The following RSRC1 variants were observed in gnomAD, a reference collection of about 807,000 sequenced individuals.
RSRC1 encodes the protein serine/Arginine-related protein 53.
A neutral mutation model predicts 49.1 loss-of-function variants in RSRC1; 39 were observed. The observed-to-expected ratio is 0.79, with a 90% CI of 0.61 to 1.04. The LOEUF (loss-of-function observed/expected upper bound fraction) is 1.04. Among genes scored for constraint, RSRC1 ranks in the 50% least tolerant of loss-of-function variants. The probability of loss-of-function intolerance (pLI) is 0.00; values close to 1 mark genes in which losing one functional copy is unlikely to be tolerated. For synonymous variants in RSRC1, 143 were observed against 130.8 expected (o/e 1.09, Z -0.63); for missense variants, 388 against 402.4 (o/e 0.96, Z 0.31).
intron 3 of RSRC1, among the ~76,000 whole-genome samples, chr3:158,167,882 T>A (rs1254750965): frequency 6.6e-6 from 1 of 152,170 alleles, no homozygotes; most frequent in Non-Finnish European, 1.5e-5. Flanking sequence ...TTTTTGGATC[T>A]GTGGTACAAC....
chr3:158,340,045 A>G (rs1730140364), intron 5 of RSRC1, among the ~76,000 whole-genome samples: 1 of 152,190 alleles, frequency 6.6e-6, no homozygotes, highest in African/African-American at 2.4e-5. Context: ...ATGTAGAGTG[A>G]TATGCTTTGG....
intron 6 of RSRC1, among the ~76,000 whole-genome samples, chr3:158,432,388 G>A (rs1228975871): frequency 6.6e-6 from 1 of 151,804 alleles, no homozygotes; most frequent in Non-Finnish European, 1.5e-5. Flanking sequence ...GCAGTAACCA[G>A]GACATAAGAG....
At chr3:158,194,104 G>C (rs955688903) in intron 3 of RSRC1, among the ~76,000 whole-genome samples, 40 of 129,020 alleles carry the variant, frequency 3.1e-4, no homozygotes, top group African/African-American at 1.2e-3. Flanking sequence ...CACACACACA[G>C]AAAAGAAATT....
chr3:158,272,584 A>G (rs1725580151), intron 4 of RSRC1, among the ~76,000 whole-genome samples: 1 of 152,046 alleles, frequency 6.6e-6, no homozygotes, highest in South Asian at 2.1e-4. Context: ...TTTTAATACT[A>G]GTATTGTTTT....
At chr3:158,239,587 TG>T (rs1723450304) in intron 4 of RSRC1, among the ~76,000 whole-genome samples, 1 of 81,648 alleles carries the variant, frequency 1.2e-5, no homozygotes, top group African/African-American at 4.7e-5. Context: ...GGTGGGGGGC[TG>T]GGGGAGGGAT....
In RSRC1 at chr3:158,545,079, G is replaced by A. The variant is rs1390751601; in HGVS notation, c.*804G>A. On this transcript the variant is annotated 3_prime_UTR_variant, in exon 10 of 10. Coordinates refer to ENST00000611884, the MANE Select transcript of RSRC1 (RefSeq NM_001271838.2). ...TGTAGAATACCTTTCTCTAGTAGCT[G>A]AATGACAATCAACTATACGTTCCAT... 2 of 151,576 alleles carry A rather than the reference G, an allele frequency of 1.3e-5. No individual in the cohort carries two copies. Among genetic ancestry groups the A allele is most frequent in the Non-Finnish European group, 1.5e-5 (1 of 67,968 alleles). The allele number at this position is 151,576 out of a possible 1,614,324, so 9.4% of individuals were successfully genotyped here.
At chr3:158,184,962 A>G (rs1719842107) in intron 3 of RSRC1, among the ~76,000 whole-genome samples, 1 of 151,988 alleles carries the variant, frequency 6.6e-6, no homozygotes, top group African/African-American at 2.4e-5. Flanking sequence ...TGAAGTATTT[A>G]TTAATGTTGA....
intron 4 of RSRC1, among the ~76,000 whole-genome samples, chr3:158,215,330 A>T (rs1721894089): frequency 6.8e-6 from 1 of 146,042 alleles, no homozygotes; most frequent in African/African-American, 2.5e-5. Flanking sequence ...AAATGTAGAG[A>T]CAGGTTTTGC....
At chr3:158,530,916 A>AT (rs1225586302) in intron 7 of RSRC1, among the ~76,000 whole-genome samples, 26 of 142,602 alleles carry the variant, frequency 1.8e-4, no homozygotes, top group African/African-American at 5.7e-4. Context: ...TAATAAATAA[A>AT]AAAAAAAAGA....
chr3:158,323,194 AC>A (rs1221109992), intron 5 of RSRC1, among the ~76,000 whole-genome samples: 7 of 151,876 alleles, frequency 4.6e-5, no homozygotes, highest in Non-Finnish European at 2.9e-5. Context: ...CTAGACTCAA[AC>A]TGTGAAATTT....
intron 4 of RSRC1, among the ~76,000 whole-genome samples, chr3:158,286,598 G>T (rs1726577265): frequency 6.6e-6 from 1 of 152,112 alleles, no homozygotes; most frequent in Admixed American, 6.5e-5. Context: ...TTGAATTCTA[G>T]GCTGAGGAAT....
chr3:158,308,455 A>T (rs1335033260), intron 5 of RSRC1, among the ~76,000 whole-genome samples: 2 of 151,888 alleles, frequency 1.3e-5, no homozygotes, highest in Admixed American at 6.6e-5. Flanking sequence ...CTACATTTTG[A>T]TCTCTCTACT....
intron 5 of RSRC1, among the ~76,000 whole-genome samples, chr3:158,320,075 G>A (rs980848054): frequency 6.6e-6 from 1 of 152,060 alleles, no homozygotes; most frequent in African/African-American, 2.4e-5. Flanking sequence ...CTTTCCTCTT[G>A]TTTGGAAAGG....
chr3:158,236,274 A>T (rs1723245810), intron 4 of RSRC1, among the ~76,000 whole-genome samples: 1 of 152,118 alleles, frequency 6.6e-6, no homozygotes, highest in African/African-American at 2.4e-5. Context: ...ATTTTTGATT[A>T]TATAATTTAG....
intron 4 of RSRC1, among the ~76,000 whole-genome samples, chr3:158,285,325 C>G (rs573933756): frequency 5.3e-5 from 8 of 152,232 alleles, no homozygotes; most frequent in Admixed American, 2.0e-4. Context: ...AGTCAGGTAG[C>G]GTGATGCCTC....
chr3:158,407,148 G>A (rs150879217), intron 6 of RSRC1, among the ~76,000 whole-genome samples: 152 of 152,166 alleles, frequency 1.0e-3, no homozygotes, highest in African/African-American at 3.4e-3. Flanking sequence ...CTTTGTTATT[G>A]ATCCTTACAG....
intron 4 of RSRC1, among the ~76,000 whole-genome samples, chr3:158,248,023 C>T (rs74704446): frequency 0.026 from 4,023 of 152,290 alleles, 158 homozygotes; most frequent in African/African-American, 0.092. Context: ...CTGGATATTT[C>T]AGTTGAAGGT....
At chr3:158,400,650 A>G (rs1166232512) in intron 6 of RSRC1, among the ~76,000 whole-genome samples, 11 of 152,190 alleles carry the variant, frequency 7.2e-5, no homozygotes, top group Admixed American at 7.2e-4. Context: ...AGGTTAACAC[A>G]TAAAGAAAAA....
chr3:158,229,733 A>T (rs977957096), intron 4 of RSRC1, among the ~76,000 whole-genome samples: 1 of 150,660 alleles, frequency 6.6e-6, no homozygotes, highest in African/African-American at 2.4e-5. Flanking sequence ...AGACTCATCA[A>T]TTGTTTACAT....
Sources: gnomAD v4.1 joint callset for allele counts (sites outside exome capture counted in the v4.1 genomes callset) on GRCh38, gnomAD v4.1.1 for gene constraint, MANE v1.5 for transcripts, NCBI Gene and HGNC (gene_info 2026-07-23, HGNC 2026-07-21) for gene names.